ANKRD62: variants seen among roughly 807,000 people sequenced by gnomAD.
ANKRD62 encodes the protein ankyrin repeat domain-containing protein 62.
Under a neutral mutation model 98.8 loss-of-function variants are expected in ANKRD62, and 61 were observed. The ratio of observed to expected loss-of-function variants is 0.62; its 90% CI spans 0.50 to 0.76. ANKRD62 has a LOEUF of 0.76. Among genes scored for constraint, ANKRD62 ranks in the 30% least tolerant of loss-of-function variants. The pLI is 0.00. For missense variants in ANKRD62, 933 were observed against 1,082.9 expected (o/e 0.86, Z 1.94); for synonymous variants, 341 against 367.9 (o/e 0.93, Z 0.84).
At chr18:12,153,648 A>G in the ANKRD62 span, among the ~76,000 whole-genome samples, 1 of 151,866 alleles carries the variant, frequency 6.6e-6, no homozygotes, top group South Asian at 2.1e-4. Flanking sequence ...TTCATATGGA[A>G]TCAGAAAAGC....
At chr18:12,173,470 G>C in the ANKRD62 span, among the ~76,000 whole-genome samples, 1 of 152,190 alleles carries the variant, frequency 6.6e-6, no homozygotes, top group African/African-American at 2.4e-5. Context: ...TGCCTTTTAA[G>C]TAGGGCATTT....
At chr18:12,131,722 T>A (rs1476914767), downstream of ANKRD62, among the ~76,000 whole-genome samples, 2 of 136,136 alleles carry the variant, frequency 1.5e-5, no homozygotes, top group South Asian at 2.2e-4. Flanking sequence ...AGAGAGAGAG[T>A]GTGTGTATGT....
At chr18:12,103,737 AAGAG>A (rs1271535763) in intron 7 of ANKRD62, among the ~76,000 whole-genome samples, 1 of 152,106 alleles carries the variant, frequency 6.6e-6, no homozygotes, top group African/African-American at 2.4e-5. Flanking sequence ...TCTACCTATC[AAGAG>A]AATCAGACCT....
chr18:12,175,982 A>G, the ANKRD62 span, among the ~76,000 whole-genome samples: 1 of 151,810 alleles, frequency 6.6e-6, no homozygotes, highest in Non-Finnish European at 1.5e-5. Context: ...ACTTGAGGTC[A>G]GGAGTTCAAG....
At chr18:12,100,063 T>C (rs956944243) in intron 6 of ANKRD62, among the ~76,000 whole-genome samples, 1 of 152,140 alleles carries the variant, frequency 6.6e-6, no homozygotes, top group Non-Finnish European at 1.5e-5. Flanking sequence ...ATTTAGTAAA[T>C]ACATATTACA....
the ANKRD62 span, among the ~76,000 whole-genome samples, chr18:12,158,549 G>A: frequency 4.4e-4 from 66 of 150,736 alleles, no homozygotes; most frequent in Admixed American, 4.0e-4. Context: ...TTTTTGAGAC[G>A]GAGTCTCGCT....
chr18:12,137,220 C>T, the ANKRD62 span, among the ~76,000 whole-genome samples: 1 of 152,090 alleles, frequency 6.6e-6, no homozygotes, highest in Middle Eastern at 3.2e-3. Flanking sequence ...GAGATATGTC[C>T]CATCAATATG....
intron 7 of ANKRD62, among the ~76,000 whole-genome samples, chr18:12,106,914 A>G (rs1483015164): frequency 6.6e-6 from 1 of 152,176 alleles, no homozygotes; most frequent in African/African-American, 2.4e-5. Flanking sequence ...CGTTTAGTGT[A>G]AACTCCAGGA....
the ANKRD62 span, among the ~76,000 whole-genome samples, chr18:12,146,231 T>A: frequency 1.3e-5 from 2 of 152,318 alleles, no homozygotes; most frequent in South Asian, 2.1e-4. Context: ...AACCGGGGTC[T>A]CCAGCCACTT....
At chr18:12,106,269 A>T (rs796681372) in intron 7 of ANKRD62, among the ~76,000 whole-genome samples, 11 of 152,326 alleles carry the variant, frequency 7.2e-5, no homozygotes, top group African/African-American at 2.4e-4. Flanking sequence ...TAACTTTATT[A>T]TGTCAGTACC....
chr18:12,145,903 G>A, the ANKRD62 span, among the ~76,000 whole-genome samples: 1 of 152,142 alleles, frequency 6.6e-6, no homozygotes, highest in South Asian at 2.1e-4. Context: ...AGCGTGTCCT[G>A]GATCCCGTTT....
In ANKRD62 at chr18:12,126,041, C is replaced by G; in HGVS notation, c.2220C>G (p.Val740=). 2 of 1,536,258 alleles carry G rather than the reference C, an allele frequency of 1.3e-6. No individual in the cohort carries two copies. Among genetic ancestry groups the G allele is most frequent in the Non-Finnish European group, 1.7e-6 (2 of 1,146,908 alleles). ...TGCATATAGAACACATGCAAGGAGT[C>G]CTAAGCCGAACACAGCGTCGATTGG... The part of the protein sequence containing the change: ...KTLHIEHMQG[V]LSRTQRRLED... The change falls in exon 13 of 14, where the codon GTC becomes GTG. Residue 740 remains valine, a synonymous_variant. Transcript: ENST00000587848.
intron 7 of ANKRD62, among the ~76,000 whole-genome samples, chr18:12,106,905 G>A (rs1279887665): frequency 6.6e-5 from 10 of 152,086 alleles, no homozygotes; most frequent in Admixed American, 2.0e-4. Context: ...AAATCTGGCC[G>A]TTTAGTGTAA....
intron 12 of ANKRD62, among the ~76,000 whole-genome samples, 175 bp from the exon 13 acceptor site, chr18:12,125,285 A>C (rs1026529857): frequency 3.9e-5 from 6 of 151,998 alleles, no homozygotes; most frequent in Admixed American, 3.9e-4. Context: ...ACTTTTGAGA[A>C]TTTACTCTCT....
the ANKRD62 span, among the ~76,000 whole-genome samples, chr18:12,145,750 C>G: frequency 1.3e-5 from 2 of 152,050 alleles, no homozygotes; most frequent in Admixed American, 1.3e-4. Flanking sequence ...AGCCTTTGGC[C>G]TTCAGAGTGT....
At chr18:12,116,743 A>G (rs1315923692) in intron 10 of ANKRD62, among the ~76,000 whole-genome samples, 5 of 152,166 alleles carry the variant, frequency 3.3e-5, no homozygotes, top group African/African-American at 1.2e-4. Flanking sequence ...TCAGCTTGTC[A>G]ATTTAAAAAA....
chr18:12,115,187 C>A, intron 9 of ANKRD62, 66 bp downstream of exon 9: 3 of 1,333,778 alleles, frequency 2.2e-6, no homozygotes, highest in South Asian at 4.1e-5. Context: ...TGGTAAAAAA[C>A]AGAAAATCTT....
At chr18:12,154,020 C>T in the ANKRD62 span, among the ~76,000 whole-genome samples, 2 of 152,138 alleles carry the variant, frequency 1.3e-5, no homozygotes, top group African/African-American at 4.8e-5. Context: ...ACAACCTAGG[C>T]AATACCATCC....
At chr18:12,097,447 G>A (rs1909206152) in intron 4 of ANKRD62, among the ~76,000 whole-genome samples, 193 bp from the exon 5 acceptor site, 1 of 152,104 alleles carries the variant, frequency 6.6e-6, no homozygotes, top group Non-Finnish European at 1.5e-5. Flanking sequence ...CTTCCTTGTT[G>A]TTCCTTCTGT....
Sources: allele counts gnomAD v4.1 joint callset (sites outside exome capture counted in the v4.1 genomes callset), GRCh38; gene constraint gnomAD v4.1.1; transcripts MANE v1.5; gene names NCBI Gene and HGNC (gene_info 2026-07-23, HGNC 2026-07-21).